SGCD: variants seen among roughly 807,000 people sequenced by gnomAD.
SGCD encodes sarcoglycan delta.
In SGCD, 18 loss-of-function variants were observed where a neutral mutation model predicts 36.6. The observed-to-expected ratio is 0.49, with a 90% CI of 0.34 to 0.73. The LOEUF is 0.73. Among genes scored for constraint, SGCD ranks in the 30% least tolerant of loss-of-function variants. The pLI is 0.01. For missense variants in SGCD, 387 were observed against 346.7 expected, an observed-to-expected ratio of 1.12 and a Z score of -0.92; for synonymous variants, 133 against 130.6, an observed-to-expected ratio of 1.02 and a Z score of -0.12.
At chr5:156,427,817 C>A (rs1308773540) in intron 3 of SGCD, among the ~76,000 whole-genome samples, 1 of 152,008 alleles carries the variant, frequency 6.6e-6, no homozygotes, top group South Asian at 2.1e-4. Flanking sequence ...GTTTTTAATT[C>A]TCTTTATGTG....
chr5:156,142,773 C>A (rs1020687631), intron 3 of SGCD, among the ~76,000 whole-genome samples: 2 of 152,124 alleles, frequency 1.3e-5, no homozygotes, highest in Non-Finnish European at 2.9e-5. Flanking sequence ...CTTCTAACAG[C>A]CTAAGTCCTT....
At chr5:156,374,652 G>A (rs1278331458) in intron 3 of SGCD, among the ~76,000 whole-genome samples, 3 of 144,892 alleles carry the variant, frequency 2.1e-5, no homozygotes, top group Non-Finnish European at 3.0e-5. Context: ...ACAATACAAA[G>A]CAACCCTGTC....
At chr5:156,641,818 C>T (rs1223100516) in intron 6 of SGCD, among the ~76,000 whole-genome samples, 1 of 152,136 alleles carries the variant, frequency 6.6e-6, no homozygotes, top group African/African-American at 2.4e-5. Context: ...CAGCCATCCA[C>T]TCTTCTCTAT....
the SGCD span, among the ~76,000 whole-genome samples, chr5:155,732,363 A>G: frequency 6.6e-6 from 1 of 152,232 alleles, no homozygotes; most frequent in Non-Finnish European, 1.5e-5. Flanking sequence ...GGCGTGGTTG[A>G]CTTCAAGATC....
intron 3 of SGCD, among the ~76,000 whole-genome samples, chr5:156,446,987 A>G (rs1274171826): frequency 1.3e-5 from 2 of 152,150 alleles, no homozygotes; most frequent in African/African-American, 2.4e-5. Context: ...GGTTTCTGCA[A>G]GCATCAGCAG....
At chr5:156,293,065 C>G (rs184221925) in intron 3 of SGCD, among the ~76,000 whole-genome samples, 16 of 151,394 alleles carry the variant, frequency 1.1e-4, no homozygotes, top group Non-Finnish European at 1.9e-4. Flanking sequence ...CCTTTCTTTT[C>G]TGTTTTTTTT....
the SGCD span, among the ~76,000 whole-genome samples, chr5:155,844,916 T>G: frequency 6.6e-6 from 1 of 152,186 alleles, no homozygotes; most frequent in Non-Finnish European, 1.5e-5. Flanking sequence ...CTGGGGTACA[T>G]GTGCAGAACG....
intron 7 of SGCD, among the ~76,000 whole-genome samples, chr5:156,655,320 T>C (rs73301180): frequency 6.6e-6 from 1 of 151,978 alleles, no homozygotes; most frequent in Non-Finnish European, 1.5e-5. Flanking sequence ...TTCTGTTTGT[T>C]CTTATTTTGT....
At chr5:156,079,462 G>A (rs1052923658) in intron 1 of SGCD, among the ~76,000 whole-genome samples, 5 of 152,060 alleles carry the variant, frequency 3.3e-5, no homozygotes, top group African/African-American at 7.2e-5. Context: ...CAAAAGTTCC[G>A]AGCCCAAAGT....
At chr5:156,583,631 G>C (rs1035375728) in intron 4 of SGCD, among the ~76,000 whole-genome samples, 2 of 152,110 alleles carry the variant, frequency 1.3e-5, no homozygotes, top group African/African-American at 4.8e-5. Context: ...TCTCATTTCT[G>C]AAGAAAATTC....
chr5:156,127,033 G>A (rs949734580), intron 3 of SGCD, among the ~76,000 whole-genome samples: 1 of 152,134 alleles, frequency 6.6e-6, no homozygotes, highest in Non-Finnish European at 1.5e-5. Context: ...TGAAAAATAA[G>A]GGAGCTTATA....
chr5:155,802,374 T>A, the SGCD span, among the ~76,000 whole-genome samples: 3 of 152,224 alleles, frequency 2.0e-5, no homozygotes, highest in Non-Finnish European at 4.4e-5. Context: ...GAATTTTCTC[T>A]TTCTGGGATT....
rs141307970 is a variant in SGCD at position 156,186,190 on chromosome 5, A to G, written c.-44+62171A>G. On this transcript the variant is annotated intron_variant, in intron 3 of 9. Transcript: ENST00000517913. ...CAGGACCTGAACTAAGGAGTGGATT[A>G]TAATCAAGAGAAACATTCTGGTGCA... 2.0e-3 allele frequency among the ~76,000 whole-genome samples: 306 copies of G among 152,178 alleles called. 1 individual carries two copies. Among genetic ancestry groups the G allele is most frequent in the African/African-American group, 7.1e-3 (297 of 41,548 alleles).
At chr5:155,746,885 T>C in the SGCD span, among the ~76,000 whole-genome samples, 1 of 152,204 alleles carries the variant, frequency 6.6e-6, no homozygotes, top group Non-Finnish European at 1.5e-5. Context: ...GGCCACATTC[T>C]GACAGGTTAA....
chr5:156,306,839 C>G (rs988131172), intron 3 of SGCD, among the ~76,000 whole-genome samples: 6 of 152,226 alleles, frequency 3.9e-5, no homozygotes, highest in East Asian at 1.9e-4. Flanking sequence ...TGTCTCCTTT[C>G]CTATGTTCAC....
chr5:156,434,563 A>G (rs1371647933), intron 3 of SGCD, among the ~76,000 whole-genome samples: 1 of 152,216 alleles, frequency 6.6e-6, no homozygotes. Context: ...AGCGATGCTG[A>G]TAGACATTAA....
At chr5:156,745,510 T>C (rs1581519946) in intron 7 of SGCD, among the ~76,000 whole-genome samples, 1 of 152,004 alleles carries the variant, frequency 6.6e-6, no homozygotes, top group African/African-American at 2.4e-5. Flanking sequence ...TTCCTGCAGA[T>C]AAAAATCCAA....
At chr5:155,870,822 G>T (rs778985743) in intron 1 of SGCD, among the ~76,000 whole-genome samples, 2 of 152,072 alleles carry the variant, frequency 1.3e-5, no homozygotes, top group Non-Finnish European at 2.9e-5. Flanking sequence ...TTTTGCAGGT[G>T]ACCCTTGCTC....
At chr5:155,797,627 T>C in the SGCD span, among the ~76,000 whole-genome samples, 1 of 152,276 alleles carries the variant, frequency 6.6e-6, no homozygotes, top group South Asian at 2.1e-4. Context: ...GTATATTCAT[T>C]TGGGATTCAG....
Sources: gnomAD v4.1 joint callset for allele counts (sites outside exome capture counted in the v4.1 genomes callset) on GRCh38, gnomAD v4.1.1 for gene constraint, MANE v1.5 for transcripts, NCBI Gene and HGNC (gene_info 2026-07-23, HGNC 2026-07-21) for gene names.